KCND3: variants seen among roughly 807,000 people sequenced by gnomAD.
KCND3 encodes the protein A-type voltage-gated potassium channel KCND3.
A neutral mutation model predicts 51.1 loss-of-function variants in KCND3; 9 were observed. The observed-to-expected ratio is 0.18, with a 90% CI of 0.11 to 0.31. KCND3 has a LOEUF of 0.31. Ranked by LOEUF, KCND3 falls within the 10% of genes least tolerant of loss-of-function variation. KCND3 has a pLI of 1.00. For synonymous variants in KCND3, 349 were observed against 368.0 expected (o/e 0.95, Z 0.59); for missense variants, 526 against 903.8 (o/e 0.58, Z 5.36).
At chr1:111,898,587 G>C (rs546032426) in intron 2 of KCND3, among the ~76,000 whole-genome samples, 2 of 152,204 alleles carry the variant, frequency 1.3e-5, no homozygotes, top group Non-Finnish European at 2.9e-5. Flanking sequence ...TAAGTGAAAT[G>C]AAAACTCAAA....
intron 2 of KCND3, among the ~76,000 whole-genome samples, chr1:111,930,169 T>G (rs1208546114): frequency 2.0e-5 from 3 of 152,122 alleles, no homozygotes; most frequent in South Asian, 2.1e-4. Context: ...GTTTTTTTTT[T>G]TTCTAAGCAG....
At chr1:111,861,943 G>A (rs1668355968) in intron 2 of KCND3, among the ~76,000 whole-genome samples, 2 of 152,158 alleles carry the variant, frequency 1.3e-5, no homozygotes, top group African/African-American at 4.8e-5. Context: ...TAAGTAGAAG[G>A]AATCCAACCC....
At chr1:111,868,215 C>T (rs1668664513) in intron 2 of KCND3, among the ~76,000 whole-genome samples, 1 of 152,176 alleles carries the variant, frequency 6.6e-6, no homozygotes, top group Admixed American at 6.5e-5. Context: ...TGTGATGAAA[C>T]CTCATGCTGT....
intron 2 of KCND3, among the ~76,000 whole-genome samples, chr1:111,945,828 C>G (rs762502060): frequency 6.6e-5 from 10 of 152,178 alleles, no homozygotes; most frequent in Non-Finnish European, 1.2e-4. Context: ...AATTAGGGTC[C>G]TCTGAGGTCT....
At chr1:111,957,638 A>G (rs1571902446) in intron 2 of KCND3, among the ~76,000 whole-genome samples, 1 of 152,198 alleles carries the variant, frequency 6.6e-6, no homozygotes, top group Non-Finnish European at 1.5e-5. Flanking sequence ...TTCATCTTAA[A>G]GCACTTGGGC....
At chr1:111,806,797 G>C (rs1665591872) in intron 2 of KCND3, among the ~76,000 whole-genome samples, 1 of 152,170 alleles carries the variant, frequency 6.6e-6, no homozygotes, top group South Asian at 2.1e-4. Context: ...TAATCCAGAA[G>C]CAATAGTGAC....
chr1:111,898,489 G>C (rs1401663846), intron 2 of KCND3, among the ~76,000 whole-genome samples: 2 of 152,136 alleles, frequency 1.3e-5, no homozygotes, highest in Non-Finnish European at 2.9e-5. Flanking sequence ...CCATCTCCCT[G>C]GGGAGACTAC....
At chr1:111,976,943 C>T (rs1043864559) in intron 2 of KCND3, among the ~76,000 whole-genome samples, 7 of 152,220 alleles carry the variant, frequency 4.6e-5, no homozygotes, top group East Asian at 1.9e-4. Flanking sequence ...AAGTGTTGAA[C>T]GAATGAAAGA....
chr1:111,775,924 T>C lies in KCND3; in HGVS notation c.*153A>G, dbSNP rs1161867740. 1.6e-5 allele frequency: 14 copies of C among 852,068 alleles called. No individual in the cohort carries two copies. In the South Asian group the frequency reaches 2.0e-4, roughly 12 times the overall value. 52.8% of individuals were successfully genotyped at this position (852,068 alleles called of 1,614,324 possible). On this transcript the variant is annotated 3_prime_UTR_variant, in exon 8 of 8. Transcript: ENST00000302127. Reference sequence around the variant, plus strand: ...CTCAGGTGCCCCTTTGCTACCTCTTTTTCCTTCCAGGCACAAGTCTCAGTG... The same window carrying C: ...CTCAGGTGCCCCTTTGCTACCTCTTCTTCCTTCCAGGCACAAGTCTCAGTG...
intron 2 of KCND3, among the ~76,000 whole-genome samples, chr1:111,926,543 C>T (rs1174824809): frequency 6.6e-6 from 1 of 152,228 alleles, no homozygotes; most frequent in African/African-American, 2.4e-5. Context: ...CAAGGTGAGC[C>T]CTGGTGGTGG....
At chr1:111,878,619 C>T (rs950409267) in intron 2 of KCND3, among the ~76,000 whole-genome samples, 5 of 152,172 alleles carry the variant, frequency 3.3e-5, no homozygotes, top group South Asian at 2.1e-4. Flanking sequence ...CTGCTGAAGC[C>T]GACAGATGTG....
At position 111,815,281 on chromosome 1, in the gene KCND3, T is replaced by C. The variant is rs563080106; in HGVS notation, c.1107-28175A>G. On this transcript the variant is annotated intron_variant, in intron 2 of 7. Transcript: ENST00000302127. ...CAATTAGCACAGTGATGTTCCCCTCTCTTCTTTTCCTTTCTCTCCTTCTTT... is the reference window on the plus strand; with the variant it reads ...CAATTAGCACAGTGATGTTCCCCTCCCTTCTTTTCCTTTCTCTCCTTCTTT... Among the ~76,000 whole-genome samples, 5 of 152,136 alleles carry C rather than the reference T, an allele frequency of 3.3e-5. No individual in the cohort carries two copies. The East Asian group carries it at 7.7e-4, about 24-fold the overall frequency.
intron 2 of KCND3, among the ~76,000 whole-genome samples, chr1:111,794,311 T>A (rs1008909560): frequency 1.2e-4 from 18 of 152,226 alleles, no homozygotes; most frequent in Non-Finnish European, 2.6e-4. Context: ...TGCCAAGAGA[T>A]AAGTGCAAGC....
chr1:111,880,990 G>A (rs551415453), intron 2 of KCND3, among the ~76,000 whole-genome samples: 1 of 151,994 alleles, frequency 6.6e-6, no homozygotes, highest in African/African-American at 2.4e-5. Context: ...TTCCCAACAC[G>A]ACCTCCTCTG....
chr1:111,854,996 C>T (rs571391922), intron 2 of KCND3, among the ~76,000 whole-genome samples: 1 of 152,310 alleles, frequency 6.6e-6, no homozygotes, highest in East Asian at 1.9e-4. Context: ...GAGTAAGGTA[C>T]CTGCCACTCT....
chr1:111,889,350 T>C (rs1669722042), intron 2 of KCND3, among the ~76,000 whole-genome samples: 1 of 152,206 alleles, frequency 6.6e-6, no homozygotes, highest in South Asian at 2.1e-4. Flanking sequence ...CTGCCTGCAA[T>C]GCCTTCACCC....
chr1:111,778,692 A>G (rs566144087), intron 5 of KCND3, among the ~76,000 whole-genome samples, 200 bp from the exon 6 acceptor site: 1 of 151,932 alleles, frequency 6.6e-6, no homozygotes, highest in East Asian at 1.9e-4. Flanking sequence ...GCTCAACCCC[A>G]ACATTCATTC....
intron 2 of KCND3, among the ~76,000 whole-genome samples, chr1:111,834,612 A>C (rs1281902728): frequency 6.6e-6 from 1 of 152,208 alleles, no homozygotes; most frequent in Non-Finnish European, 1.5e-5. Flanking sequence ...CAGGCTTTGA[A>C]CTTTTGCAAT....
intron 3 of KCND3, among the ~76,000 whole-genome samples, chr1:111,781,878 G>C (rs1664404678): frequency 6.6e-6 from 1 of 152,192 alleles, no homozygotes; most frequent in Non-Finnish European, 1.5e-5. Flanking sequence ...CAGCCAAAGA[G>C]AGAGGACTAA....
Sources: gnomAD v4.1 joint callset for allele counts (sites outside exome capture counted in the v4.1 genomes callset) on GRCh38, gnomAD v4.1.1 for gene constraint, MANE v1.5 for transcripts, NCBI Gene and HGNC (gene_info 2026-07-23, HGNC 2026-07-21) for gene names.